P4HA1: variants seen among roughly 807,000 people sequenced by gnomAD.
P4HA1 encodes prolyl 4-hydroxylase subunit alpha 1, also known as prolyl 4-hydroxylase subunit alpha-1.
Under a neutral mutation model 72.8 loss-of-function variants are expected in P4HA1, and 24 were observed. That is an observed-to-expected ratio of 0.33 (90% CI 0.24 to 0.46). The LOEUF is 0.46. P4HA1 is among the 20% of genes least tolerant of loss of function. The pLI, the probability that P4HA1 is intolerant of heterozygous loss-of-function variation, is 1.00. For missense variants in P4HA1, 446 were observed against 640.6 expected, an observed-to-expected ratio of 0.70 and a Z score of 3.28; for synonymous variants, 201 against 218.8, an observed-to-expected ratio of 0.92 and a Z score of 0.72.
At chr10:73,015,122 C>T (rs942402606) in intron 11 of P4HA1, among the ~76,000 whole-genome samples, 13 of 151,876 alleles carry the variant, frequency 8.6e-5, no homozygotes, top group Admixed American at 5.2e-4. Flanking sequence ...TGAGCCACCA[C>T]GCCTGGCCCC....
intron 5 of P4HA1, among the ~76,000 whole-genome samples, chr10:73,058,800 G>A (rs886677696): frequency 1.0e-4 from 13 of 124,326 alleles, no homozygotes; most frequent in South Asian, 2.4e-4. Context: ...TTTTTGAGAC[G>A]AAGTCTCACT....
intron 8 of P4HA1, among the ~76,000 whole-genome samples, chr10:73,046,578 G>GAA (rs1221210949): frequency 2.0e-5 from 3 of 152,136 alleles, no homozygotes; most frequent in Non-Finnish European, 2.9e-5. Context: ...ATACAGAAGT[G>GAA]AAAAAGCTGG....
chr10:73,076,352 C>T (rs1841696749), intron 1 of P4HA1, among the ~76,000 whole-genome samples: 1 of 147,534 alleles, frequency 6.8e-6, no homozygotes, highest in Non-Finnish European at 1.5e-5. Flanking sequence ...GTCTGTACCA[C>T]TGTGCCTGTT....
chr10:73,037,365 T>C (rs1409527291), intron 9 of P4HA1, among the ~76,000 whole-genome samples: 1 of 141,964 alleles, frequency 7.0e-6, no homozygotes, highest in Non-Finnish European at 1.5e-5. Flanking sequence ...ATGCGCAGAG[T>C]AAGGGAGCAA....
rs202154662 is a variant in P4HA1 at position 73,037,308 on chromosome 10, T to TAA, written c.1149-6940_1149-6939dup. 5.4e-3 allele frequency among the ~76,000 whole-genome samples: 645 copies of TAA among 120,082 alleles called. 1 individual carries two copies. Among genetic ancestry groups the TAA allele is most frequent in the East Asian group, 6.3e-3 (27 of 4,294 alleles). 78.8% of individuals were successfully genotyped at this position (120,082 alleles called of 152,430 possible). On this transcript the variant is annotated intron_variant, in intron 9 of 14. Transcript: ENST00000394890. ...TTCCTTTCTACTGAGTTTCCGCTGTTAAAAAAAAAAAAAAAAAACTTCATG... is the reference window on the plus strand; with the variant it reads ...TTCCTTTCTACTGAGTTTCCGCTGTTAAAAAAAAAAAAAAAAAAAACTTCATG...
chr10:73,032,419 C>T (rs1292629314), intron 9 of P4HA1, among the ~76,000 whole-genome samples: 3 of 152,138 alleles, frequency 2.0e-5, no homozygotes, highest in African/African-American at 7.2e-5. Flanking sequence ...TGTATTTGTT[C>T]CTTTGGTAAC....
At chr10:73,091,449 G>T (rs375236626) in intron 1 of P4HA1, among the ~76,000 whole-genome samples, 57 of 152,198 alleles carry the variant, frequency 3.7e-4, no homozygotes, top group African/African-American at 1.3e-3. Context: ...TTACAGATGT[G>T]AGCCACCACG....
rs926948102 is a variant in P4HA1, at chr10:73,028,511, A to AACCTCC, written c.1248+1754_1248+1759dup. On this transcript the variant is annotated intron_variant, in intron 10 of 14. Transcript: ENST00000394890. The stretch of plus-strand genomic sequence containing the variant: ...CAATGGCGCAATCTCAGCTCACCGC[A>AACCTCC]ACCTCCACCTCCTGGGTTCAAGCAA... Among the ~76,000 whole-genome samples, 9 of 152,012 alleles carry AACCTCC rather than the reference A, an allele frequency of 5.9e-5. No individual in the cohort carries two copies. In the East Asian group the frequency reaches 1.2e-3, roughly 20 times the overall value.
intron 8 of P4HA1, among the ~76,000 whole-genome samples, chr10:73,045,768 A>G (rs1840841596): frequency 6.6e-6 from 1 of 152,076 alleles, no homozygotes; most frequent in Non-Finnish European, 1.5e-5. Context: ...AATCTCCAGA[A>G]TATAACTTGA....
At chr10:73,072,292 G>T in intron 3 of P4HA1, 112 bp from the exon 4 acceptor site, 1 of 779,586 alleles carries the variant, frequency 1.3e-6, no homozygotes. Context: ...AACTATATCT[G>T]TAGTTTCTTT....
chr10:73,058,185 C>T lies in P4HA1; in HGVS notation c.464-4595G>A, dbSNP rs933459129. Among the ~76,000 whole-genome samples the T allele has an allele frequency of 7.3e-5, 11 of 149,874 alleles. No homozygotes were observed. In the East Asian group the frequency reaches 1.4e-3, roughly 19 times the overall value. ...AAAAAGAAAGGGGATGGTCATGGGACGCGCTCTAGCAGGGTGGCAATCTTT... is the reference window on the plus strand; with the variant it reads ...AAAAAGAAAGGGGATGGTCATGGGATGCGCTCTAGCAGGGTGGCAATCTTT... On this transcript the variant is annotated intron_variant, in intron 5 of 14. Coordinates refer to ENST00000394890, the MANE Select transcript of P4HA1 (RefSeq NM_001017962.3).
intron 9 of P4HA1, among the ~76,000 whole-genome samples, chr10:73,042,762 A>G (rs1041379687): frequency 8.6e-5 from 13 of 152,038 alleles, no homozygotes; most frequent in Non-Finnish European, 1.8e-4. Context: ...ATCAGGGGAC[A>G]TTTGACAATG....
intron 1 of P4HA1, chr10:73,082,364 T>G (rs1006900589): frequency 6.6e-6 from 1 of 152,180 alleles, no homozygotes; most frequent in Non-Finnish European, 1.5e-5. Flanking sequence ...TGGTAAATAA[T>G]TCTATTAGCG....
At chr10:73,090,672 G>A (rs1469139016) in intron 1 of P4HA1, among the ~76,000 whole-genome samples, 1 of 152,046 alleles carries the variant, frequency 6.6e-6, no homozygotes, top group Non-Finnish European at 1.5e-5. Flanking sequence ...GGTGGCAATG[G>A]TCACTATTCA....
chr10:73,020,937 C>T (rs1292808313), intron 10 of P4HA1, among the ~76,000 whole-genome samples: 1 of 152,140 alleles, frequency 6.6e-6, no homozygotes, highest in African/African-American at 2.4e-5. Context: ...GAGTACGAGA[C>T]CAGCCTGGCC....
chr10:73,046,385 A>G (rs1840864684), intron 8 of P4HA1, among the ~76,000 whole-genome samples: 1 of 152,166 alleles, frequency 6.6e-6, no homozygotes, highest in Non-Finnish European at 1.5e-5. Context: ...CTCAACACTA[A>G]GCTTATAGAT....
intron 10 of P4HA1, among the ~76,000 whole-genome samples, chr10:73,026,695 G>C (rs1301687323): frequency 6.6e-6 from 1 of 152,136 alleles, no homozygotes; most frequent in African/African-American, 2.4e-5. Flanking sequence ...GAAAATTTTT[G>C]CAATCTACCC....
intron 9 of P4HA1, chr10:73,044,079 T>A: frequency 1.8e-6 from 1 of 560,030 alleles, no homozygotes; most frequent in African/African-American, 1.9e-5. Context: ...GGATGGTGGG[T>A]AATGGTCTCG....
intron 10 of P4HA1, among the ~76,000 whole-genome samples, chr10:73,018,154 G>T (rs1840051551): frequency 6.6e-6 from 1 of 152,156 alleles, no homozygotes; most frequent in African/African-American, 2.4e-5. Flanking sequence ...AACTCCCTGA[G>T]GCAGGAGCTG....
Sources: gnomAD v4.1 joint callset for allele counts (sites outside exome capture counted in the v4.1 genomes callset) on GRCh38, gnomAD v4.1.1 for gene constraint, MANE v1.5 for transcripts, NCBI Gene and HGNC (gene_info 2026-07-23, HGNC 2026-07-21) for gene names.